The following TAF2 variants were observed in gnomAD, a reference collection of about 807,000 sequenced individuals.
TAF2 encodes the protein transcription initiation factor TFIID subunit 2.
Under a neutral mutation model 138.5 loss-of-function variants are expected in TAF2, and 61 were observed. That is an observed-to-expected ratio of 0.44 (90% CI 0.36 to 0.54). TAF2 has a LOEUF of 0.54. Ranked by LOEUF, TAF2 falls within the 20% of genes least tolerant of loss-of-function variation. The pLI is 0.00. For missense variants in TAF2, 1,090 were observed against 1,427.9 expected, an observed-to-expected ratio of 0.76 and a Z score of 3.81; for synonymous variants, 475 against 469.9, an observed-to-expected ratio of 1.01 and a Z score of -0.14.
At chr8:119,746,643 T>C in intron 23 of TAF2, 62 bp downstream of exon 23, 1 of 1,544,104 alleles carries the variant, frequency 6.5e-7, no homozygotes, top group Non-Finnish European at 9.0e-7. Flanking sequence ...CAGGAAACAA[T>C]TCTCTTCTCT....
In TAF2 at chr8:119,731,710, A is replaced by G; in HGVS notation, c.*214T>C. The G allele has an allele frequency of 1.7e-6, 1 of 585,720 alleles. No individual in the cohort carries two copies. Among genetic ancestry groups the G allele is most frequent in the Non-Finnish European group, 3.0e-6 (1 of 331,350 alleles). 36.3% of individuals were successfully genotyped at this position (585,720 alleles called of 1,614,324 possible). ...GTTTTGGGGAGGAAACAGCGGATGA[A>G]ATAGTTTATCCAGAACTACAAAACA... On this transcript the variant is annotated 3_prime_UTR_variant, in exon 26 of 26. Coordinates refer to ENST00000378164, the MANE Select transcript of TAF2 (RefSeq NM_003184.4).
In TAF2 at chr8:119,747,030, T is replaced by G. The variant is rs1011864227; in HGVS notation, c.2879-96A>C. The G allele has an allele frequency of 5.5e-5, 70 of 1,270,760 alleles. No individual in the cohort carries two copies. In the South Asian group the frequency reaches 8.6e-4, roughly 16 times the overall value. The allele number at this position is 1,270,760 out of a possible 1,614,324, so 78.7% of individuals were successfully genotyped here. A position where few individuals can be genotyped will look rare whatever the true frequency, so the allele number is the denominator to read the frequency against. ...TGAACAACAAAAGGAACTTTATAAC[T>G]GGAAAAACCTTTATCACACCTTTCA... On this transcript the variant is annotated intron_variant, in intron 22 of 25. Transcript: ENST00000378164.
intron 22 of TAF2, among the ~76,000 whole-genome samples, chr8:119,751,898 G>T (rs1419287112): frequency 6.6e-6 from 1 of 152,146 alleles, no homozygotes; most frequent in Non-Finnish European, 1.5e-5. Context: ...ATTGCAAAGA[G>T]CATTTTTGGA....
intron 25 of TAF2, among the ~76,000 whole-genome samples, chr8:119,732,675 G>A (rs983042618): frequency 3.9e-5 from 6 of 152,008 alleles, no homozygotes; most frequent in East Asian, 3.9e-4. Context: ...ATGGTGGCGG[G>A]TGCCTGTAAT....
intron 2 of TAF2, among the ~76,000 whole-genome samples, chr8:119,823,738 A>C (rs953103970): frequency 6.6e-6 from 1 of 152,252 alleles, no homozygotes; most frequent in African/African-American, 2.4e-5. Context: ...GGTAATAGGC[A>C]GAGGTTGGAA....
chr8:119,743,213 T>C (rs139660185), intron 24 of TAF2, among the ~76,000 whole-genome samples: 13 of 152,112 alleles, frequency 8.5e-5, no homozygotes, highest in African/African-American at 2.6e-4. Flanking sequence ...GAATTACAAC[T>C]TATATACCAA....
intron 16 of TAF2, among the ~76,000 whole-genome samples, chr8:119,781,853 A>C (rs1822685646): frequency 6.6e-6 from 1 of 151,978 alleles, no homozygotes; most frequent in South Asian, 2.1e-4. Flanking sequence ...ACACCTGGCT[A>C]ATTTTTGTAT....
At chr8:119,829,520 T>C (rs1224392882) in intron 2 of TAF2, among the ~76,000 whole-genome samples, 1 of 151,642 alleles carries the variant, frequency 6.6e-6, no homozygotes, top group East Asian at 1.9e-4. Context: ...AATTAACTTG[T>C]GTGTGTGTGT....
intron 18 of TAF2, among the ~76,000 whole-genome samples, chr8:119,770,296 A>G (rs758846871): frequency 1.3e-5 from 2 of 152,136 alleles, no homozygotes; most frequent in Admixed American, 6.5e-5. Context: ...TCACAAAAGC[A>G]TATAGTGGCC....
At chr8:119,795,713 T>C (rs1823778374) in intron 8 of TAF2, 82 bp from the exon 9 acceptor site, 9 of 1,214,576 alleles carry the variant, frequency 7.4e-6, no homozygotes, top group South Asian at 7.4e-5. Flanking sequence ...GGAATAAGTG[T>C]AGTGTGTATT....
chr8:119,825,151 A>ATGGGAACCTACCTC (rs1165939126), intron 2 of TAF2, among the ~76,000 whole-genome samples: 5 of 152,230 alleles, frequency 3.3e-5, no homozygotes, highest in Non-Finnish European at 5.9e-5. Flanking sequence ...GCCCAAAACT[A>ATGGGAACCTACCTC]TGGGAACCTA....
chr8:119,792,934 T>C (rs1441457915), intron 10 of TAF2, among the ~76,000 whole-genome samples: 1 of 152,152 alleles, frequency 6.6e-6, no homozygotes, highest in Non-Finnish European at 1.5e-5. Context: ...TTCTACTGTT[T>C]ACATTATTAC....
chr8:119,804,339 C>T (rs1006042956), intron 4 of TAF2, among the ~76,000 whole-genome samples: 3 of 152,188 alleles, frequency 2.0e-5, no homozygotes, highest in Non-Finnish European at 4.4e-5. Context: ...AACTCCCACA[C>T]TGCACACTTA....
Position 119,783,434 on chromosome 8 carries a change from G to A in TAF2, c.2059C>T (p.Gln687Ter), listed in dbSNP as rs1310383681. 1 of 1,614,006 alleles carries A rather than the reference G, an allele frequency of 6.2e-7. No homozygotes were observed. Among genetic ancestry groups the A allele is most frequent in the Non-Finnish European group, 8.5e-7 (1 of 1,180,022 alleles). Reference protein sequence around the residue: ...SRLALTDILEQEQCFYRVRMS... With the variant: ...SRLALTDILE The stretch of plus-strand genomic sequence containing the variant: ...CTTACTCTGTAGAAACACTGCTCTT[G>A]TTCTAATATATCAGTGAGTGCAAGC... The change falls in exon 16 of 26, where the codon CAA becomes TAA. Residue 687 changes from glutamine to a stop codon, truncating the protein, a stop_gained. Transcript: ENST00000378164. LOFTEE classifies it high-confidence loss of function.
chr8:119,798,939 TCAC>T (rs1824030779), intron 6 of TAF2, among the ~76,000 whole-genome samples: 1 of 152,090 alleles, frequency 6.6e-6, no homozygotes, highest in African/African-American at 2.4e-5. Context: ...AAAATACTAT[TCAC>T]CAAAAAAAGG....
intron 3 of TAF2, among the ~76,000 whole-genome samples, chr8:119,813,090 C>T (rs766477095): frequency 3.1e-4 from 47 of 152,284 alleles, no homozygotes; most frequent in African/African-American, 6.7e-4. Context: ...ACCATATCCA[C>T]GCCAACATCT....
intron 2 of TAF2, among the ~76,000 whole-genome samples, chr8:119,828,562 G>A (rs1041235504): frequency 6.6e-6 from 1 of 152,136 alleles, no homozygotes; most frequent in African/African-American, 2.4e-5. Context: ...AAAGAAACAA[G>A]GGTCTAGGTC....
At chr8:119,814,106 G>C (rs535149973) in intron 3 of TAF2, among the ~76,000 whole-genome samples, 1 of 152,206 alleles carries the variant, frequency 6.6e-6, no homozygotes, top group African/African-American at 2.4e-5. Context: ...CTGGGTGACA[G>C]AGCAAGGCTC....
chr8:119,820,087 T>C (rs891409190), intron 2 of TAF2, among the ~76,000 whole-genome samples: 3 of 152,176 alleles, frequency 2.0e-5, no homozygotes, highest in Non-Finnish European at 4.4e-5. Flanking sequence ...CCAGAGGCCA[T>C]ATGTAGTTCT....
Sources: allele counts gnomAD v4.1 joint callset (sites outside exome capture counted in the v4.1 genomes callset), GRCh38; gene constraint gnomAD v4.1.1; transcripts MANE v1.5; gene names NCBI Gene and HGNC (gene_info 2026-07-23, HGNC 2026-07-21).